PTPRD: variants seen among roughly 807,000 people sequenced by gnomAD.
PTPRD encodes protein tyrosine phosphatase receptor type D, also known as receptor-type tyrosine-protein phosphatase delta.
A neutral mutation model predicts 214.5 loss-of-function variants in PTPRD; 34 were observed. The ratio of observed to expected loss-of-function variants is 0.16; its 90% CI spans 0.12 to 0.21. The LOEUF (loss-of-function observed/expected upper bound fraction) is 0.21, where lower values mean the gene tolerates loss of function less well. PTPRD is among the 10% of genes least tolerant of loss of function. PTPRD has a pLI of 1.00. For missense variants in PTPRD, 2,545 were observed against 2,398.7 expected, an observed-to-expected ratio of 1.06 and a Z score of -1.27; for synonymous variants, 1,128 against 845.7, an observed-to-expected ratio of 1.33 and a Z score of -5.79.
intron 10 of PTPRD, among the ~76,000 whole-genome samples, chr9:9,041,668 A>G (rs2099640281): frequency 6.6e-6 from 1 of 152,202 alleles, no homozygotes; most frequent in Non-Finnish European, 1.5e-5. Context: ...ATACATTCAC[A>G]ATTAGGAATT....
At chr9:8,985,903 T>C (rs1360640119) in intron 11 of PTPRD, among the ~76,000 whole-genome samples, 1 of 152,082 alleles carries the variant, frequency 6.6e-6, no homozygotes, top group Non-Finnish European at 1.5e-5. Context: ...AAAAACAAAA[T>C]TACTTTTCTT....
intron 3 of PTPRD, among the ~76,000 whole-genome samples, chr9:10,338,177 A>G (rs1418216799): frequency 6.6e-6 from 1 of 151,642 alleles, no homozygotes; most frequent in African/African-American, 2.4e-5. Flanking sequence ...GTTAGGAAAC[A>G]GTGCTGAGAA....
chr9:9,520,326 A>G (rs1462722896), intron 8 of PTPRD, among the ~76,000 whole-genome samples: 4 of 148,148 alleles, frequency 2.7e-5, no homozygotes, highest in Admixed American at 6.8e-5. Context: ...TAAGAAAATT[A>G]ATAATATCTG....
At chr9:10,537,858 A>G (rs1196839271) in intron 2 of PTPRD, among the ~76,000 whole-genome samples, 1 of 152,168 alleles carries the variant, frequency 6.6e-6, no homozygotes, top group Non-Finnish European at 1.5e-5. Flanking sequence ...GATGGTTGCC[A>G]GATCAGCACC....
chr9:10,452,975 C>T (rs1194302529), intron 2 of PTPRD, among the ~76,000 whole-genome samples: 5 of 151,416 alleles, frequency 3.3e-5, no homozygotes, highest in African/African-American at 9.7e-5. Flanking sequence ...TTTAGAGATC[C>T]TTAATCCATT....
intron 2 of PTPRD, among the ~76,000 whole-genome samples, chr9:10,586,676 C>T (rs183936643): frequency 6.6e-5 from 10 of 151,924 alleles, no homozygotes; most frequent in African/African-American, 1.9e-4. Context: ...ACTAAAGTGC[C>T]GAGAATGAAT....
intron 3 of PTPRD, among the ~76,000 whole-genome samples, chr9:10,081,503 C>T (rs2098237064): frequency 6.6e-6 from 1 of 151,976 alleles, no homozygotes; most frequent in Non-Finnish European, 1.5e-5. Flanking sequence ...ATAAAAGAGA[C>T]CTTCACAGTT....
intron 5 of PTPRD, among the ~76,000 whole-genome samples, chr9:9,767,902 T>C (rs998968967): frequency 1.3e-5 from 2 of 152,162 alleles, no homozygotes; most frequent in Non-Finnish European, 2.9e-5. Flanking sequence ...GTTATTGTTA[T>C]ATGAAGATGT....
At chr9:8,770,705 G>A (rs1021601715) in intron 11 of PTPRD, among the ~76,000 whole-genome samples, 3 of 152,108 alleles carry the variant, frequency 2.0e-5, no homozygotes, top group African/African-American at 7.2e-5. Context: ...TATGTTTTAT[G>A]TAATGTATGT....
chr9:8,451,190 A>G (rs2095933018), intron 33 of PTPRD, among the ~76,000 whole-genome samples: 1 of 152,230 alleles, frequency 6.6e-6, no homozygotes, highest in South Asian at 2.1e-4. Flanking sequence ...GCTCAAGTGC[A>G]GTGCCTTTGG....
chr9:9,675,419 A>G lies in PTPRD; in HGVS notation c.-287+59114T>C, dbSNP rs140654375. On this transcript the variant is annotated intron_variant, in intron 7 of 45. Coordinates refer to ENST00000381196, the MANE Select transcript of PTPRD (RefSeq NM_002839.4). ...ACAATTCTAAAGAAATAAATAGAAA[A>G]CAATAATACAGAGAAGATCAACAAA... Among the ~76,000 whole-genome samples, 241 of 151,934 alleles carry G rather than the reference A, an allele frequency of 1.6e-3. 1 individual carries two copies. The highest frequency in any genetic ancestry group is 5.6e-3 in the African/African-American group (233 of 41,540).
intron 9 of PTPRD, among the ~76,000 whole-genome samples, chr9:9,272,992 G>C (rs1445297841): frequency 2.0e-5 from 3 of 151,302 alleles, no homozygotes; most frequent in Non-Finnish European, 4.4e-5. Flanking sequence ...TTGTGAAGCT[G>C]TCTTTGTGAT....
chr9:10,561,648 C>T (rs2063996625), intron 2 of PTPRD, among the ~76,000 whole-genome samples: 1 of 152,104 alleles, frequency 6.6e-6, no homozygotes, highest in Admixed American at 6.6e-5. Flanking sequence ...GTGCAATAGA[C>T]AGAGAAGGAA....
intron 39 of PTPRD, among the ~76,000 whole-genome samples, chr9:8,357,476 G>A (rs767034100): frequency 3.9e-5 from 6 of 152,142 alleles, no homozygotes; most frequent in Non-Finnish European, 7.3e-5. Flanking sequence ...GGGATAAACC[G>A]AGGGCTGAAT....
intron 11 of PTPRD, among the ~76,000 whole-genome samples, chr9:8,894,877 A>G (rs1034987644): frequency 6.6e-6 from 1 of 152,232 alleles, no homozygotes. Context: ...TACAAATAGT[A>G]GATGGCACCA....
chr9:9,231,923 G>C (rs2099963365), intron 9 of PTPRD, among the ~76,000 whole-genome samples: 2 of 151,836 alleles, frequency 1.3e-5, no homozygotes. Context: ...TTTGATCTCT[G>C]TTTCTGTCAC....
At chr9:8,465,420 T>G (rs750835685) in intron 32 of PTPRD, 46 bp downstream of exon 32, 6 of 1,543,240 alleles carry the variant, frequency 3.9e-6, no homozygotes, top group Non-Finnish European at 5.3e-6. Flanking sequence ...CCAGTGAAAA[T>G]GTATAAGCGT....
rs376605478 is a variant in PTPRD, at chr9:8,649,881, C to T, written c.65-13037G>A. The stretch of plus-strand genomic sequence containing the variant: ...GCTATTTAAAAATATTTTCTTGGTA[C>T]GCAACATTTTACTTTAAGGGCTATT... On this transcript the variant is annotated intron_variant, in intron 12 of 45. Coordinates refer to ENST00000381196, the MANE Select transcript of PTPRD (RefSeq NM_002839.4). 2.5e-4 allele frequency among the ~76,000 whole-genome samples: 38 copies of T among 151,944 alleles called. No individual in the cohort carries two copies. In the South Asian group the frequency reaches 2.9e-3, roughly 12 times the overall value.
intron 11 of PTPRD, among the ~76,000 whole-genome samples, chr9:8,870,716 A>ACACACACACACACACG (rs1404960021): frequency 6.6e-6 from 1 of 151,696 alleles, no homozygotes; most frequent in Non-Finnish European, 1.5e-5. Context: ...ACACACACAC[A>ACACACACACACACACG]CACACACACA....
Sources: allele counts gnomAD v4.1 joint callset (sites outside exome capture counted in the v4.1 genomes callset), GRCh38; gene constraint gnomAD v4.1.1; transcripts MANE v1.5; gene names NCBI Gene and HGNC (gene_info 2026-07-23, HGNC 2026-07-21).